Variants in DST observed in about 807,000 individuals in gnomAD.
DST encodes the protein bullous pemphigoid antigen.
A neutral mutation model predicts 875.2 loss-of-function variants in DST; 253 were observed. The ratio of observed to expected loss-of-function variants is 0.29; its 90% confidence interval spans 0.26 to 0.32. The LOEUF (loss-of-function observed/expected upper bound fraction) is 0.32, where lower values mean the gene tolerates loss of function less well. DST is among the 10% of genes least tolerant of loss of function. The pLI is 1.00. For missense variants in DST, 8,287 were observed against 9,111.6 expected (o/e 0.91, Z 3.68); for synonymous variants, 3,124 against 3,197.1 (o/e 0.98, Z 0.77).
chr6:56,636,402 G>GTATATATATACACACATATATGTGTA (rs1554541618), intron 23 of DST, among the ~76,000 whole-genome samples, 155 bp downstream of exon 23: 27 of 149,700 alleles, frequency 1.8e-4, no homozygotes, highest in African/African-American at 5.2e-4. Flanking sequence ...ACGTATGTGT[G>GTATATATATACACACATATATGTGTA]TATATATATA....
intron 91 of DST, 74 bp downstream of exon 91, chr6:56,477,271 A>T: frequency 6.7e-7 from 1 of 1,496,126 alleles, no homozygotes; most frequent in Non-Finnish European, 9.0e-7. Context: ...AGTGCATCTT[A>T]ATTCCTGAAA....
intron 92 of DST, among the ~76,000 whole-genome samples, chr6:56,475,394 A>AACACACACACACACACACAC (rs35690052): frequency 3.5e-5 from 5 of 144,882 alleles, no homozygotes; most frequent in African/African-American, 1.0e-4. Context: ...AGGCTTTTAA[A>AACACACACACACACACACAC]ACACACACAC....
chr6:56,644,628 C>T lies in DST; in HGVS notation c.1778+1238G>A, dbSNP rs921823376. Among the ~76,000 whole-genome samples the T allele has an allele frequency of 7.2e-5, 11 of 152,232 alleles. No homozygotes were observed. The East Asian group carries it at 1.2e-3, about 16-fold the overall frequency. ...AACCAAGATAAGCACTATGAAGGAACAATACATGGAAACATGAGAGTTCTA... is the reference window on the plus strand; with the variant it reads ...AACCAAGATAAGCACTATGAAGGAATAATACATGGAAACATGAGAGTTCTA... On this transcript the variant is annotated intron_variant, in intron 15 of 103. Coordinates refer to ENST00000680361, the MANE Select transcript of DST (RefSeq NM_001374736.1).
chr6:56,586,492 C>G (rs2098152953), intron 49 of DST, among the ~76,000 whole-genome samples: 1 of 151,736 alleles, frequency 6.6e-6, no homozygotes, highest in African/African-American at 2.4e-5. Flanking sequence ...ATGTGTGTCT[C>G]TGCATGTGAG....
chr6:56,526,317 C>T (rs769386411), intron 69 of DST, 44 bp downstream of exon 69: 2 of 1,591,224 alleles, frequency 1.3e-6, no homozygotes, highest in South Asian at 1.1e-5. Flanking sequence ...CCAAGAACAG[C>T]TGGAGAAAAT....
At chr6:56,741,444 T>C (rs909009795) in intron 4 of DST, among the ~76,000 whole-genome samples, 4 of 152,200 alleles carry the variant, frequency 2.6e-5, no homozygotes, top group African/African-American at 9.7e-5. Context: ...ATGAGTCCCA[T>C]TCAAATACCA....
rs530088178 is a variant in DST, at chr6:56,467,337, C to T, written c.22570-1142G>A. On this transcript the variant is annotated intron_variant, in intron 98 of 103. Coordinates refer to ENST00000680361, the MANE Select transcript of DST (RefSeq NM_001374736.1). Reference sequence around the variant, plus strand: ...TCAAGAAGAAAACCCAAAAACAATACCAACCAAATCCCTCAGGATCCTAAA... The same window carrying T: ...TCAAGAAGAAAACCCAAAAACAATATCAACCAAATCCCTCAGGATCCTAAA... The T allele has an allele frequency of 2.4e-4, 37 of 152,160 alleles. No homozygotes were observed. In the East Asian group the frequency reaches 3.5e-3, roughly 14 times the overall value. The allele number at this position is 152,160 out of a possible 1,614,324, so 9.4% of individuals were successfully genotyped here. A position where few individuals can be genotyped will look rare whatever the true frequency, so the allele number is the denominator to read the frequency against.
chr6:56,827,506 C>CAAAAA (rs779051829), intron 4 of DST, among the ~76,000 whole-genome samples: 23 of 58,682 alleles, frequency 3.9e-4, no homozygotes, highest in Non-Finnish European at 5.4e-4. Flanking sequence ...GACTCCGTCT[C>CAAAAA]AAAAAAAAAA....
intron 10 of DST, among the ~76,000 whole-genome samples, chr6:56,669,564 C>G (rs2099089280): frequency 6.9e-6 from 1 of 145,208 alleles, no homozygotes; most frequent in South Asian, 2.1e-4. Context: ...CCACTGCACT[C>G]TAGCCTGGGT....
intron 2 of DST, among the ~76,000 whole-genome samples, chr6:56,903,504 G>C (rs1223795033): frequency 6.6e-6 from 1 of 152,170 alleles, no homozygotes; most frequent in African/African-American, 2.4e-5. Context: ...CTGTCACCCA[G>C]GCTGGAGTGC....
chr6:56,460,506 G>C (rs72877336), intron 102 of DST: 559 of 361,538 alleles, frequency 1.5e-3, no homozygotes, highest in Non-Finnish European at 2.3e-3. Context: ...AAACAAAATG[G>C]AGACCCCCAA....
At chr6:56,625,096 T>A in intron 35 of DST, 61 bp downstream of exon 35, 1 of 1,199,524 alleles carries the variant, frequency 8.3e-7, no homozygotes, top group South Asian at 1.2e-5. Context: ...AAAATAAAAT[T>A]TAAAAAGTAA....
rs981202319 is a variant in DST at position 56,857,220 on chromosome 6, G to A, written c.418-5616C>T. 6.6e-5 allele frequency among the ~76,000 whole-genome samples: 10 copies of A among 152,216 alleles called. No individual in the cohort carries two copies. In the East Asian group the frequency reaches 1.7e-3, roughly 26 times the overall value. On this transcript the variant is annotated intron_variant, in intron 3 of 103. Transcript: ENST00000680361. ...TTTTATAGAGATGGGGTCTCACTAT[G>A]TTGACCAGGCTGCTCGCAAACTCCT...
chr6:56,579,280 A>C (rs2097921256), intron 49 of DST, among the ~76,000 whole-genome samples: 1 of 152,172 alleles, frequency 6.6e-6, no homozygotes, highest in Non-Finnish European at 1.5e-5. Context: ...ACTACTACTA[A>C]AACAAACAAC....
intron 56 of DST, 70 bp from the exon 57 acceptor site, chr6:56,561,619 G>A: frequency 2.0e-6 from 3 of 1,489,582 alleles, no homozygotes; most frequent in Non-Finnish European, 2.7e-6. Flanking sequence ...AGAAATAAAA[G>A]TTTGTTTTAC....
At chr6:56,532,552 T>C (rs771052517) in intron 63 of DST, 42 bp from the exon 64 acceptor site, 1 of 1,505,206 alleles carries the variant, frequency 6.6e-7, no homozygotes, top group Non-Finnish European at 8.9e-7. Flanking sequence ...AGGGAATAAT[T>C]GTATGAATAT....
At chr6:56,913,278 C>A (rs951478050) in intron 2 of DST, among the ~76,000 whole-genome samples, 4 of 152,148 alleles carry the variant, frequency 2.6e-5, no homozygotes, top group African/African-American at 9.7e-5. Flanking sequence ...TTGTAATATT[C>A]CTAGTAGGTA....
intron 95 of DST, 40 bp downstream of exon 95, chr6:56,471,066 A>T: frequency 1.3e-6 from 2 of 1,573,380 alleles, no homozygotes; most frequent in Non-Finnish European, 1.7e-6. Flanking sequence ...TATTTCCTTT[A>T]AAAATTGTAT....
rs1332697480 is a variant in DST, at chr6:56,551,936, C to T, written c.16608+248G>A. ...CCTATGATGTCAGTTTCTGGCTTGC[C>T]TGGAACTTTGCCAAGCACCCTTTGG... On this transcript the variant is annotated intron_variant, in intron 61 of 103. Coordinates refer to ENST00000680361, the MANE Select transcript of DST (RefSeq NM_001374736.1). 2.6e-5 allele frequency among the ~76,000 whole-genome samples: 4 copies of T among 152,250 alleles called. No homozygotes were observed. The South Asian group carries it at 6.2e-4, about 24-fold the overall frequency.
Sources: allele counts gnomAD v4.1 joint callset (sites outside exome capture counted in the v4.1 genomes callset), GRCh38; gene constraint gnomAD v4.1.1; transcripts MANE v1.5; gene names NCBI Gene and HGNC (gene_info 2026-07-23, HGNC 2026-07-21).